NBN: variants seen among roughly 807,000 people sequenced by gnomAD.
NBN encodes the protein Nijmegen breakage syndrome 1 (nibrin).
A neutral mutation model predicts 90.8 loss-of-function variants in NBN; 88 were observed. That is an observed-to-expected ratio of 0.97 (90% CI 0.82 to 1.16). NBN has a LOEUF of 1.16. NBN is among the 50% of genes most tolerant of loss of function. The probability of loss-of-function intolerance (pLI) is 0.00; values close to 1 mark genes in which losing one functional copy is unlikely to be tolerated. For missense variants in NBN, 894 were observed against 869.6 expected (o/e 1.03, Z -0.35); for synonymous variants, 328 against 295.1 (o/e 1.11, Z -1.14).
At position 89,953,574 on chromosome 8, in the gene NBN, C is replaced by T. The variant is rs2129702018; in HGVS notation, c.1515G>A (p.Glu505=). The T allele has an allele frequency of 6.2e-7, 1 of 1,613,692 alleles. No homozygotes were observed. The highest frequency in any genetic ancestry group is 8.5e-7 in the Non-Finnish European group (1 of 1,179,778). Residue 505 remains glutamate, a synonymous_variant, in exon 11 of 16, where the codon GAG becomes GAA. Transcript: ENST00000265433. ...PATPSLWKNK[E]QHLSENEPVD... ...CAGGCTCATTCTCAGATAGATGCTGCTCCTTATTTTTCCACAATGAGGGTG... is the reference window on the plus strand; with the variant it reads ...CAGGCTCATTCTCAGATAGATGCTGTTCCTTATTTTTCCACAATGAGGGTG...
chr8:89,982,578 T>C (rs570894117), intron 2 of NBN, 144 bp downstream of exon 2: 32 of 745,888 alleles, frequency 4.3e-5, no homozygotes, highest in Non-Finnish European at 6.8e-5. Context: ...AATATAAGTA[T>C]TTAATTTTGT....
chr8:89,955,291 G>T lies in NBN; in HGVS notation c.1389C>A (p.Thr463=), dbSNP rs1563530676. ...AGTTATCAAAAACAGACCTTTTTTT[G>T]GTAGACGGCTGAAAGTAGTTTCTGA... is the stretch of plus-strand genomic sequence containing the variant. ...NSIRNYFQPS[T]KKRERDEENQ... Residue 463 remains threonine (T), a synonymous_variant, in exon 10 of 16, where the codon ACC becomes ACA. Coordinates refer to ENST00000265433, the MANE Select transcript of NBN (RefSeq NM_002485.5). 1 of 1,611,226 alleles carries T rather than the reference G, an allele frequency of 6.2e-7. No individual in the cohort carries two copies. The highest frequency in any genetic ancestry group is 1.1e-5 in the South Asian group (1 of 90,794).
At position 89,977,420 on chromosome 8, in the gene NBN, A is replaced by G. The variant is rs980966813; in HGVS notation, c.584+800T>C. 5.9e-5 allele frequency among the ~76,000 whole-genome samples: 9 copies of G among 152,148 alleles called. No individual in the cohort carries two copies. The East Asian group carries it at 9.6e-4, about 16-fold the overall frequency. The stretch of plus-strand genomic sequence containing the variant: ...TGAACTCATTCTCTTTTATGGCTGC[A>G]TAGTATTCCATGGTGTATATGTGCA... On this transcript the variant is annotated intron_variant, in intron 5 of 15. Transcript: ENST00000265433.
intron 7 of NBN, among the ~76,000 whole-genome samples, chr8:89,969,803 T>A (rs1811420715): frequency 6.6e-6 from 1 of 151,900 alleles, no homozygotes. Context: ...AATACAAAAA[T>A]TAGCTGGGTG....
At chr8:89,979,681 T>C (rs986823634) in intron 4 of NBN, among the ~76,000 whole-genome samples, 23 of 152,184 alleles carry the variant, frequency 1.5e-4, no homozygotes, top group African/African-American at 5.1e-4. Context: ...AACAAGGTTT[T>C]CTATTTTGGC....
chr8:89,974,919 CTTG>C (rs1811683117), intron 5 of NBN, among the ~76,000 whole-genome samples: 1 of 152,176 alleles, frequency 6.6e-6, no homozygotes, highest in African/African-American at 2.4e-5. Context: ...TAAAACAATA[CTTG>C]TTGTTTGAAA....
chr8:89,971,354 G>T, intron 5 of NBN, 64 bp from the exon 6 acceptor site: 1 of 1,523,880 alleles, frequency 6.6e-7, no homozygotes, highest in African/African-American at 1.4e-5. Flanking sequence ...AATTGTAAAC[G>T]GAGTGACTAT....
At chr8:89,943,453 A>T (rs1810046121) in intron 13 of NBN, 87 bp from the exon 14 acceptor site, 1 of 1,339,812 alleles carries the variant, frequency 7.5e-7, no homozygotes, top group Admixed American at 1.7e-5. Flanking sequence ...CAAAGATGGT[A>T]AATCATGCAT....
At chr8:89,940,888 T>A (rs1353427217) in intron 14 of NBN, among the ~76,000 whole-genome samples, 5 of 152,172 alleles carry the variant, frequency 3.3e-5, no homozygotes, top group African/African-American at 9.7e-5. Context: ...AGTATCTGAT[T>A]TAATCCTCAT....
chr8:89,964,121 C>T (rs1157551740), intron 8 of NBN, among the ~76,000 whole-genome samples: 1 of 152,048 alleles, frequency 6.6e-6, no homozygotes, highest in Non-Finnish European at 1.5e-5. Context: ...TTATACTTGG[C>T]TTGATCTGAA....
At chr8:89,943,716 T>C (rs955852009) in intron 13 of NBN, among the ~76,000 whole-genome samples, 2 of 152,188 alleles carry the variant, frequency 1.3e-5, no homozygotes, top group African/African-American at 4.8e-5. Flanking sequence ...CTGTATTTTG[T>C]TCTAATGACT....
chr8:89,973,336 T>C (rs1162450621), intron 5 of NBN, among the ~76,000 whole-genome samples: 4 of 152,254 alleles, frequency 2.6e-5, no homozygotes, highest in Non-Finnish European at 5.9e-5. Flanking sequence ...GATTTAAGTA[T>C]TAAAATTCTA....
intron 2 of NBN, chr8:89,982,092 T>G: frequency 2.4e-6 from 1 of 422,318 alleles, no homozygotes; most frequent in Non-Finnish European, 4.1e-6. Context: ...CTCATCTTTC[T>G]TATTACCACC....
At chr8:89,966,705 T>C (rs1563552884) in intron 7 of NBN, among the ~76,000 whole-genome samples, 1 of 151,784 alleles carries the variant, frequency 6.6e-6, no homozygotes, top group East Asian at 1.9e-4. Flanking sequence ...AATGAAAAAA[T>C]AAAGGGCCAA....
chr8:89,973,819 A>C (rs1811624158), intron 5 of NBN, among the ~76,000 whole-genome samples: 1 of 152,248 alleles, frequency 6.6e-6, no homozygotes, highest in Admixed American at 6.5e-5. Context: ...TTGACTGAAT[A>C]TAACGATACT....
chr8:89,952,650 A>T (rs555864982), intron 11 of NBN, among the ~76,000 whole-genome samples: 28 of 152,214 alleles, frequency 1.8e-4, no homozygotes, highest in Non-Finnish European at 3.5e-4. Context: ...GGAGCTAATG[A>T]ATCCACATTG....
At chr8:89,936,317 C>T (rs780087143) in intron 15 of NBN, among the ~76,000 whole-genome samples, 6 of 151,926 alleles carry the variant, frequency 3.9e-5, no homozygotes, top group Non-Finnish European at 5.9e-5. Context: ...CCTCGTAATC[C>T]GCCCACCTCA....
chr8:89,982,559 C>G, intron 2 of NBN, 163 bp downstream of exon 2: 3 of 650,542 alleles, frequency 4.6e-6, no homozygotes, highest in Non-Finnish European at 8.2e-6. Flanking sequence ...CCACTGGTAC[C>G]ACTGCCACAA....
intron 11 of NBN, 50 bp downstream of exon 11, chr8:89,953,194 A>G (rs1226395866): frequency 1.5e-6 from 2 of 1,335,898 alleles, no homozygotes; most frequent in Non-Finnish European, 2.1e-6. Flanking sequence ...AGTACCTGTT[A>G]GCATTCTAAG....
Sources: allele counts gnomAD v4.1 joint callset (sites outside exome capture counted in the v4.1 genomes callset), GRCh38; gene constraint gnomAD v4.1.1; transcripts MANE v1.5; gene names NCBI Gene and HGNC (gene_info 2026-07-23, HGNC 2026-07-21).